The following SCGB1A1 variants were observed in gnomAD, a reference collection of about 807,000 sequenced individuals.
SCGB1A1 encodes the protein uteroglobin.
A neutral mutation model predicts 7.5 loss-of-function variants in SCGB1A1; 8 were observed. The ratio of observed to expected loss-of-function variants is 1.07; its 90% confidence interval spans 0.63 to 1.92. The LOEUF is 1.92. SCGB1A1 is among the 30% of genes most tolerant of loss of function. The pLI, the probability that SCGB1A1 is intolerant of heterozygous loss-of-function variation, is 0.00. For missense variants in SCGB1A1, 121 were observed against 112.7 expected (o/e 1.07, Z -0.33); for synonymous variants, 44 against 40.8 (o/e 1.08, Z -0.30).
intron 1 of SCGB1A1, among the ~76,000 whole-genome samples, chr11:62,420,407 G>T (rs1441444721): frequency 6.8e-6 from 1 of 147,750 alleles, no homozygotes; most frequent in Admixed American, 6.8e-5. Flanking sequence ...TCCGCCTCCC[G>T]GGTTCAAGCG....
chr11:62,419,799 AAGAG>A (rs1205424040), intron 1 of SCGB1A1, among the ~76,000 whole-genome samples: 2 of 152,126 alleles, frequency 1.3e-5, no homozygotes, highest in Non-Finnish European at 2.9e-5. Flanking sequence ...GAGGGGCAGA[AAGAG>A]AGACGGAGAG....
intron 2 of SCGB1A1, 24 bp downstream of exon 2, chr11:62,422,432 A>G: frequency 6.3e-7 from 1 of 1,595,936 alleles, no homozygotes; most frequent in Admixed American, 1.7e-5. Context: ...TTCACGTCAC[A>G]CTGGTTAGAA....
chr11:62,421,849 A>G (rs1937801561), intron 1 of SCGB1A1: 1 of 156,268 alleles, frequency 6.4e-6, no homozygotes, highest in Admixed American at 6.5e-5. Flanking sequence ...AATTTGTCAC[A>G]TGCCCCCAGT....
intron 1 of SCGB1A1, chr11:62,421,911 G>C (rs947501675): frequency 1.6e-5 from 3 of 191,084 alleles, no homozygotes; most frequent in Non-Finnish European, 2.1e-5. Flanking sequence ...AGTTTCTGGT[G>C]GGAAATAAAA....
chr11:62,419,600 A>G (rs1012173151), intron 1 of SCGB1A1, among the ~76,000 whole-genome samples: 2 of 152,196 alleles, frequency 1.3e-5, no homozygotes, highest in Admixed American at 1.3e-4. Context: ...TCGTGACCCC[A>G]AAAGAAACCC....
chr11:62,422,112 A>C, intron 1 of SCGB1A1, 109 bp from the exon 2 acceptor site: 2 of 817,072 alleles, frequency 2.4e-6, no homozygotes, highest in Non-Finnish European at 3.8e-6. Context: ...AAAGGCTGCT[A>C]TCTCTCGCTG....
intron 1 of SCGB1A1, among the ~76,000 whole-genome samples, chr11:62,421,453 C>CTTCTT (rs10590375): frequency 6.7e-5 from 10 of 149,154 alleles, no homozygotes; most frequent in Admixed American, 4.7e-4. Flanking sequence ...ATCTCAATGG[C>CTTCTT]TTCTTTTCTT....
chr11:62,422,196 G>A (rs777071161), intron 1 of SCGB1A1, 25 bp from the exon 2 acceptor site: 115 of 1,581,838 alleles, frequency 7.3e-5, no homozygotes, highest in Non-Finnish European at 8.5e-5. Context: ...CTGGAGACAT[G>A]TGCCTTCTCT....
chr11:62,422,995 C>T (rs1037644392), intron 2 of SCGB1A1, 64 bp from the exon 3 acceptor site: 3 of 1,483,416 alleles, frequency 2.0e-6, no homozygotes, highest in African/African-American at 2.8e-5. Context: ...GTCATCTCTG[C>T]CTAACTATGC....
rs10676203 is a variant in SCGB1A1 at position 62,421,491 on chromosome 11, T to TCTTGCTTGCTTGCTTG, written c.56-710_56-695dup. On this transcript the variant is annotated intron_variant, in intron 1 of 2. Transcript: ENST00000278282. ...CTTTTCTTTTCTTCTTTTTCTTTTC[T>TCTTGCTTGCTTGCTTG]CTTGCTTGCTTGCTTGCTTGCTTGC... Among the ~76,000 whole-genome samples the TCTTGCTTGCTTGCTTG allele has an allele frequency of 6.9e-3, 1,029 of 148,786 alleles. 17 individuals are homozygous for TCTTGCTTGCTTGCTTG. Among genetic ancestry groups the TCTTGCTTGCTTGCTTG allele is most frequent in the African/African-American group, 0.024 (971 of 40,032 alleles).
intron 1 of SCGB1A1, among the ~76,000 whole-genome samples, chr11:62,419,486 A>C (rs1244767379): frequency 1.3e-5 from 2 of 152,162 alleles, no homozygotes; most frequent in African/African-American, 4.8e-5. Flanking sequence ...CTCATCCCAG[A>C]TCTGGACAGA....
intron 1 of SCGB1A1, among the ~76,000 whole-genome samples, chr11:62,420,642 T>G (rs946539300): frequency 6.7e-6 from 1 of 149,092 alleles, no homozygotes; most frequent in Non-Finnish European, 1.5e-5. Flanking sequence ...CCCTATGAAG[T>G]AGGGATATTG....
At position 62,419,051 on chromosome 11, in the gene SCGB1A1, C is replaced by A; in HGVS notation, c.-45C>A. ...ATGTCTCATACTAGCCCACCAGACT[C>A]AGAGACGGAACCAGAGACGGGCCAG... is the stretch of plus-strand genomic sequence containing the variant. On this transcript the variant is annotated 5_prime_UTR_variant, in exon 1 of 3. Coordinates refer to ENST00000278282, the MANE Select transcript of SCGB1A1 (RefSeq NM_003357.5). The A allele has an allele frequency of 6.5e-7, 1 of 1,541,974 alleles. No homozygotes were observed. The highest frequency in any genetic ancestry group is 8.8e-7 in the Non-Finnish European group (1 of 1,136,776).
chr11:62,419,782 G>T (rs1283062225), intron 1 of SCGB1A1, among the ~76,000 whole-genome samples: 1 of 152,118 alleles, frequency 6.6e-6, no homozygotes, highest in Non-Finnish European at 1.5e-5. Flanking sequence ...AAGAACTGTG[G>T]GGGGAAGAGG....
chr11:62,422,715 C>T (rs1475457241), intron 2 of SCGB1A1, among the ~76,000 whole-genome samples: 5 of 151,968 alleles, frequency 3.3e-5, no homozygotes, highest in South Asian at 2.1e-4. Context: ...GCTGGGATTA[C>T]AGGCACCCAC....
intron 1 of SCGB1A1, among the ~76,000 whole-genome samples, chr11:62,420,282 T>G (rs1051633831): frequency 6.6e-6 from 1 of 151,858 alleles, no homozygotes; most frequent in East Asian, 1.9e-4. Flanking sequence ...TGCCAATCAC[T>G]GTCACCCTTT....
At chr11:62,420,922 G>A (rs939454048) in intron 1 of SCGB1A1, among the ~76,000 whole-genome samples, 2 of 150,954 alleles carry the variant, frequency 1.3e-5, no homozygotes, top group East Asian at 2.0e-4. Flanking sequence ...GCAATAGAGC[G>A]AGACTCCGTC....
intron 1 of SCGB1A1, among the ~76,000 whole-genome samples, chr11:62,420,261 T>A (rs1344391638): frequency 6.6e-6 from 1 of 152,030 alleles, no homozygotes; most frequent in Non-Finnish European, 1.5e-5. Flanking sequence ...TAACACTTAC[T>A]TCACACAATG....
chr11:62,421,528 T>TTC (rs1937791795), intron 1 of SCGB1A1, among the ~76,000 whole-genome samples: 1 of 128,146 alleles, frequency 7.8e-6, no homozygotes, highest in Non-Finnish European at 1.7e-5. Context: ...TGCTTGCTTT[T>TTC]TGAGACAGAA....
Sources: allele counts gnomAD v4.1 joint callset (sites outside exome capture counted in the v4.1 genomes callset), GRCh38; gene constraint gnomAD v4.1.1; transcripts MANE v1.5; gene names NCBI Gene and HGNC (gene_info 2026-07-23, HGNC 2026-07-21).